The following GPHN variants were observed in gnomAD, a reference collection of about 807,000 sequenced individuals.
The protein encoded by GPHN is gephyrin.
In GPHN, 17 loss-of-function variants were observed where a neutral mutation model predicts 95.5. The ratio of observed to expected loss-of-function variants is 0.18; its 90% confidence interval spans 0.12 to 0.27. The LOEUF is 0.27. Ranked by LOEUF, GPHN falls within the 10% of genes least tolerant of loss-of-function variation. GPHN has a pLI of 1.00. For missense variants in GPHN, 660 were observed against 978.1 expected, an observed-to-expected ratio of 0.67 and a Z score of 4.34; for synonymous variants, 320 against 322.5, an observed-to-expected ratio of 0.99 and a Z score of 0.08.
intron 3 of GPHN, among the ~76,000 whole-genome samples, chr14:66,804,529 C>T (rs2060473961): frequency 6.6e-6 from 1 of 152,134 alleles, no homozygotes; most frequent in Admixed American, 6.5e-5. Flanking sequence ...CATCCATGAG[C>T]TTGGGTTTAT....
the GPHN span, among the ~76,000 whole-genome samples, chr14:67,324,728 C>A: frequency 6.6e-6 from 1 of 151,718 alleles, no homozygotes. Flanking sequence ...GGGACTATAG[C>A]CATGCACCAC....
chr14:66,961,900 G>GTGTATATATATATA (rs1177915817), intron 8 of GPHN, among the ~76,000 whole-genome samples: 22 of 53,006 alleles, frequency 4.2e-4, no homozygotes, highest in Admixed American at 6.5e-4. Context: ...CCCTGAATGT[G>GTGTATATATATATA]TATATATATA....
At chr14:67,192,476 G>T in the GPHN span, among the ~76,000 whole-genome samples, 1 of 151,812 alleles carries the variant, frequency 6.6e-6, no homozygotes. Flanking sequence ...ATCAGAGGGT[G>T]GGGTCTGAAC....
chr14:67,726,848 A>G, the GPHN span: 8 of 750,960 alleles, frequency 1.1e-5, no homozygotes, highest in Non-Finnish European at 1.9e-5. Context: ...ACTGACCATT[A>G]GAGTTACTCA....
At chr14:66,849,632 T>C (rs1331215475) in intron 4 of GPHN, among the ~76,000 whole-genome samples, 1 of 152,080 alleles carries the variant, frequency 6.6e-6, no homozygotes, top group Admixed American at 6.6e-5. Flanking sequence ...TGAAAAATTG[T>C]ATTTTTATTG....
chr14:67,296,559 C>T, the GPHN span, among the ~76,000 whole-genome samples: 2 of 124,128 alleles, frequency 1.6e-5, no homozygotes, highest in African/African-American at 6.2e-5. Flanking sequence ...TCCATCCAGC[C>T]TGGGCAACAG....
rs148443641 is a variant in GPHN, at chr14:66,772,474, G to A, written c.144-3990G>A. Among the ~76,000 whole-genome samples, 1,145 of 152,228 alleles carry A rather than the reference G, an allele frequency of 7.5e-3. 4 individuals carry two copies. The highest frequency in any genetic ancestry group is 9.9e-3 in the Admixed American group (151 of 15,294). ...GACCTTAAAATAGGGAGGTTATCCC[G>A]CATTATTTGGTTGAGCCCAATATAA... is the stretch of plus-strand genomic sequence containing the variant. On this transcript the variant is annotated intron_variant, in intron 2 of 22. Transcript: ENST00000478722.
intron 3 of GPHN, among the ~76,000 whole-genome samples, chr14:66,796,822 T>C (rs1298500194): frequency 6.6e-6 from 1 of 152,030 alleles, no homozygotes; most frequent in Non-Finnish European, 1.5e-5. Flanking sequence ...ACATTTAATG[T>C]GATATACTCC....
chr14:66,587,731 A>T lies in GPHN; in HGVS notation c.64+79140A>T, dbSNP rs1180938317. On this transcript the variant is annotated intron_variant, in intron 1 of 22. Coordinates refer to ENST00000478722, the MANE Select transcript of GPHN (RefSeq NM_020806.5). ...ACATTACTATAAAGAACTGTAGGAG[A>T]GCAGCCCCAGTGCTTATAGATAAAA... is the stretch of plus-strand genomic sequence containing the variant. Among the ~76,000 whole-genome samples the T allele has an allele frequency of 1.2e-4, 19 of 152,212 alleles. 1 individual carries two copies. Among genetic ancestry groups the T allele is most frequent in the Admixed American group, 1.2e-3 (19 of 15,278 alleles).
At chr14:67,487,361 A>G in the GPHN span, among the ~76,000 whole-genome samples, 14 of 152,200 alleles carry the variant, frequency 9.2e-5, no homozygotes, top group African/African-American at 3.1e-4. Context: ...ATCCAGCCAC[A>G]AAAGTCTGGG....
intron 9 of GPHN, among the ~76,000 whole-genome samples, chr14:67,016,633 CA>C (rs1458369593): frequency 6.6e-6 from 1 of 152,056 alleles, no homozygotes; most frequent in Non-Finnish European, 1.5e-5. Flanking sequence ...TAGAAACATC[CA>C]TATTTTGCAA....
chr14:67,645,584 T>TA, the GPHN span: 1 of 1,566,826 alleles, frequency 6.4e-7, no homozygotes, highest in African/African-American at 1.4e-5. Flanking sequence ...CTGAGGACGT[T>TA]TGTTATCGGT....
At chr14:66,859,133 C>T (rs909730017) in intron 4 of GPHN, among the ~76,000 whole-genome samples, 12 of 152,136 alleles carry the variant, frequency 7.9e-5, no homozygotes, top group Non-Finnish European at 1.3e-4. Context: ...ATCTGTTAAT[C>T]GTACAGCCTT....
the GPHN span, among the ~76,000 whole-genome samples, chr14:67,504,573 T>A: frequency 3.5e-4 from 53 of 152,174 alleles, 1 homozygote; most frequent in South Asian, 0.011. Flanking sequence ...TATAACAAGA[T>A]GTTAAATCAA....
the GPHN span, among the ~76,000 whole-genome samples, chr14:67,391,453 A>G: frequency 6.6e-6 from 1 of 151,974 alleles, no homozygotes; most frequent in African/African-American, 2.4e-5. Context: ...GACTCCTATC[A>G]GGCCCAGCAG....
chr14:66,874,132 A>G (rs1274304087), intron 4 of GPHN, among the ~76,000 whole-genome samples: 1 of 152,234 alleles, frequency 6.6e-6, no homozygotes, highest in Admixed American at 6.5e-5. Flanking sequence ...GTGGACATCC[A>G]GCAAACTCCA....
At chr14:66,708,229 C>G (rs145733714) in intron 2 of GPHN, among the ~76,000 whole-genome samples, 1 of 151,798 alleles carries the variant, frequency 6.6e-6, no homozygotes, top group South Asian at 2.1e-4. Context: ...AAAAAAATGG[C>G]GAGCTTAACA....
the GPHN span, among the ~76,000 whole-genome samples, chr14:67,717,399 A>T: frequency 0.03 from 4,515 of 152,336 alleles, 96 homozygotes; most frequent in Middle Eastern, 0.051. Context: ...CTAAGGACAG[A>T]AGGATTAGTA....
In GPHN at chr14:67,057,916, C is replaced by G. The variant is rs533420832; in HGVS notation, c.1007-733C>G. On this transcript the variant is annotated intron_variant, in intron 10 of 22. Coordinates refer to ENST00000478722, the MANE Select transcript of GPHN (RefSeq NM_020806.5). The stretch of plus-strand genomic sequence containing the variant: ...AATGCCTATTACAAAGCATATTCAA[C>G]AGATAAAACCTATGTAACTAAAAAG... Among the ~76,000 whole-genome samples, 29 of 152,266 alleles carry G rather than the reference C, an allele frequency of 1.9e-4. 1 individual carries two copies. The highest frequency in any genetic ancestry group is 3.7e-4 in the Non-Finnish European group (25 of 68,026).
Sources: allele counts gnomAD v4.1 joint callset (sites outside exome capture counted in the v4.1 genomes callset), GRCh38; gene constraint gnomAD v4.1.1; transcripts MANE v1.5; gene names NCBI Gene and HGNC (gene_info 2026-07-23, HGNC 2026-07-21).